Variants in TMX2 observed in about 807,000 individuals in gnomAD.
TMX2 encodes the protein thioredoxin-related transmembrane protein 2.
TMX2 carries 20 observed loss-of-function variants against 33.4 expected under a neutral mutation model. The ratio of observed to expected loss-of-function variants is 0.60; its 90% CI spans 0.42 to 0.87. The LOEUF (loss-of-function observed/expected upper bound fraction) is 0.87. TMX2 is among the 40% of genes least tolerant of loss of function. The probability of loss-of-function intolerance (pLI) is 0.00; values close to 1 mark genes in which losing one functional copy is unlikely to be tolerated. For missense variants in TMX2, 340 were observed against 370.7 expected, an observed-to-expected ratio of 0.92 and a Z score of 0.68; for synonymous variants, 166 against 140.7, an observed-to-expected ratio of 1.18 and a Z score of -1.27.
intron 2 of TMX2, 98 bp downstream of exon 2, chr11:57,737,766 G>T: frequency 1.3e-6 from 2 of 1,575,634 alleles, no homozygotes; most frequent in Non-Finnish European, 1.7e-6. Context: ...TGGTAAATTT[G>T]TCCTACGTTT....
At chr11:57,737,854 A>T (rs758326480) in intron 2 of TMX2, 59 bp from the exon 3 acceptor site, 19 of 1,614,176 alleles carry the variant, frequency 1.2e-5, no homozygotes, top group Non-Finnish European at 1.6e-5. Context: ...GAAGAGGGAC[A>T]AAGAATGGGA....
chr11:57,716,906 C>T (rs1198901959), intron 1 of TMX2, among the ~76,000 whole-genome samples: 13 of 150,352 alleles, frequency 8.6e-5, no homozygotes, highest in African/African-American at 2.5e-4. Flanking sequence ...ATTTCCCAGA[C>T]GGGGTTGGTG....
intron 1 of TMX2, among the ~76,000 whole-genome samples, chr11:57,733,504 G>A (rs1365945376): frequency 5.3e-5 from 8 of 151,738 alleles, no homozygotes; most frequent in African/African-American, 1.7e-4. Context: ...TGATCCACCC[G>A]CCTCGGCCTC....
chr11:57,739,090 A>G, intron 6 of TMX2, 41 bp from the exon 7 acceptor site: 3 of 1,614,132 alleles, frequency 1.9e-6, no homozygotes, highest in Non-Finnish European at 1.7e-6. Context: ...ACTTTGAGTG[A>G]TACATACAGG....
chr11:57,739,981 T>G (rs1426047417), intron 7 of TMX2, 118 bp from the exon 8 acceptor site: 22 of 1,436,150 alleles, frequency 1.5e-5, no homozygotes, highest in African/African-American at 2.8e-5. Context: ...TTAGGGAAGA[T>G]TTTTGTCCTT....
At position 57,712,660 on chromosome 11, in the gene TMX2, G is replaced by A; in HGVS notation, c.42G>A (p.Val14=). ...LAPLIALVYS[V]PRLSRWLAQP... is the part of the protein sequence containing the mutation. ...CTCTAATTGCTCTCGTGTATTCGGT[G>A]CCGCGACTTTCACGATGGCTCGCCC... is the stretch of plus-strand genomic sequence containing the variant. The change falls in exon 1 of 8, where the codon GTG becomes GTA. Residue 14 remains valine (V), a synonymous_variant. Transcript: ENST00000278422. 1 of 1,614,196 alleles carries A rather than the reference G, an allele frequency of 6.2e-7. No individual in the cohort carries two copies. Among genetic ancestry groups the A allele is most frequent in the Non-Finnish European group, 8.5e-7 (1 of 1,180,022 alleles).
At chr11:57,738,150 T>C in intron 3 of TMX2, 124 bp downstream of exon 3, 1 of 789,522 alleles carries the variant, frequency 1.3e-6, no homozygotes, top group Non-Finnish European at 2.1e-6. Flanking sequence ...TTCTTCCATA[T>C]CTCATACCTA....
intron 1 of TMX2, among the ~76,000 whole-genome samples, chr11:57,734,661 T>C (rs1015993247): frequency 6.6e-6 from 1 of 151,602 alleles, no homozygotes; most frequent in African/African-American, 2.4e-5. Context: ...GGCAGGAGAA[T>C]TGCTTGAATC....
At chr11:57,738,081 C>T in intron 3 of TMX2, 55 bp downstream of exon 3, 7 of 1,412,536 alleles carry the variant, frequency 5.0e-6, no homozygotes, top group African/African-American at 1.4e-5. Flanking sequence ...TGTTGATAGA[C>T]TTGATTGTGG....
chr11:57,733,556 C>T (rs553748095), intron 1 of TMX2, among the ~76,000 whole-genome samples: 1 of 151,826 alleles, frequency 6.6e-6, no homozygotes, highest in Non-Finnish European at 1.5e-5. Context: ...CGCGCCCAGC[C>T]TATAGTGAGG....
At chr11:57,728,055 C>G (rs1177663479) in intron 1 of TMX2, among the ~76,000 whole-genome samples, 1 of 152,246 alleles carries the variant, frequency 6.6e-6, no homozygotes, top group Non-Finnish European at 1.5e-5. Context: ...TTAAGCTCTA[C>G]CCAGACCACC....
chr11:57,723,131 T>C (rs1947745072), intron 1 of TMX2, among the ~76,000 whole-genome samples: 1 of 150,140 alleles, frequency 6.7e-6, no homozygotes, highest in Non-Finnish European at 1.5e-5. Flanking sequence ...AATAAATAAA[T>C]AAACACACGG....
intron 1 of TMX2, chr11:57,718,096 AC>A: frequency 1.6e-6 from 2 of 1,289,076 alleles, no homozygotes; most frequent in Middle Eastern, 1.9e-4. Context: ...CCATTCCTGG[AC>A]CCAAAGCGCT....
chr11:57,728,257 G>T (rs1948131071), intron 1 of TMX2, among the ~76,000 whole-genome samples: 1 of 152,136 alleles, frequency 6.6e-6, no homozygotes, highest in Non-Finnish European at 1.5e-5. Context: ...CCGCCTTCCG[G>T]GTTCACGCCA....
intron 1 of TMX2, among the ~76,000 whole-genome samples, chr11:57,728,180 T>G (rs1282158328): frequency 6.6e-6 from 1 of 152,040 alleles, no homozygotes; most frequent in African/African-American, 2.4e-5. Flanking sequence ...TTTTTTTTTT[T>G]GAGACGGAGT....
chr11:57,724,184 C>G (rs554340815), intron 1 of TMX2, among the ~76,000 whole-genome samples: 1 of 152,204 alleles, frequency 6.6e-6, no homozygotes, highest in Admixed American at 6.5e-5. Context: ...GAACTCATTA[C>G]TGAACAGTCA....
rs563363192 is a variant in TMX2 at position 57,739,185 on chromosome 11, C to T, written c.669C>T (p.Phe223=). 9.3e-6 allele frequency: 15 copies of T among 1,614,086 alleles called. No homozygotes were observed. The East Asian group carries it at 2.7e-4, about 29-fold the overall frequency. ...AGCAACTCCCTACCCTGATCCTGTT[C>T]CAAGGTGGCAAGGAGGCAATGCGGC... is the stretch of plus-strand genomic sequence containing the variant. ...LTKQLPTLIL[F]QGGKEAMRRP... The change falls in exon 7 of 8, where the codon TTC becomes TTT. Residue 223 remains phenylalanine, a synonymous_variant. Coordinates refer to ENST00000278422, the MANE Select transcript of TMX2 (RefSeq NM_015959.4).
At chr11:57,731,038 T>C (rs1240910159) in intron 1 of TMX2, among the ~76,000 whole-genome samples, 2 of 151,924 alleles carry the variant, frequency 1.3e-5, no homozygotes, top group African/African-American at 4.8e-5. Context: ...TTTAATTCAA[T>C]AAATTTTTAA....
At chr11:57,724,624 A>G (rs886706192) in intron 1 of TMX2, among the ~76,000 whole-genome samples, 5 of 152,120 alleles carry the variant, frequency 3.3e-5, no homozygotes, top group African/African-American at 9.7e-5. Context: ...AAAAAAAAAA[A>G]AAGGCTTCCT....
Sources: allele counts gnomAD v4.1 joint callset (sites outside exome capture counted in the v4.1 genomes callset), GRCh38; gene constraint gnomAD v4.1.1; transcripts MANE v1.5; gene names NCBI Gene and HGNC (gene_info 2026-07-23, HGNC 2026-07-21).